NCKIPSD: variants seen among roughly 807,000 people sequenced by gnomAD.
The protein encoded by NCKIPSD is NCK interacting protein with SH3 domain.
NCKIPSD carries 48 observed loss-of-function variants against 73.4 expected under a neutral mutation model. The observed-to-expected ratio is 0.65, with a 90% CI of 0.52 to 0.83. The LOEUF is 0.83. Among genes scored for constraint, NCKIPSD ranks in the 40% least tolerant of loss-of-function variants. The pLI is 0.00. For synonymous variants in NCKIPSD, 422 were observed against 403.6 expected (o/e 1.05, Z -0.54); for missense variants, 884 against 970.2 (o/e 0.91, Z 1.18).
Position 48,682,349 on chromosome 3 carries a change from T to C in NCKIPSD, c.485A>G (p.Gln162Arg), listed in dbSNP as rs372051807. 6.2e-7 allele frequency: 1 copy of C among 1,613,790 alleles called. No individual in the cohort carries two copies. Among genetic ancestry groups the C allele is most frequent in the South Asian group, 1.1e-5 (1 of 91,074 alleles). ...CTCCACGATGTCCTCCCCACACACC[T>C]GGTAGAGGCCTCCATCTGCCCCAAG... is the stretch of plus-strand genomic sequence containing the variant. ...EHLGADGGLY[Q>R]IPLPSSQIPP... is the part of the protein sequence containing the mutation. Residue 162 changes from glutamine to arginine, a missense_variant and splice_region_variant, in exon 3 of 13, where the codon CAG becomes CGG. Coordinates refer to ENST00000294129, the MANE Select transcript of NCKIPSD (RefSeq NM_016453.4).
At chr3:48,685,491 T>A in intron 1 of NCKIPSD, 146 bp downstream of exon 1, 1 of 1,083,502 alleles carries the variant, frequency 9.2e-7, no homozygotes. Context: ...TCCGGGGGTC[T>A]CAGGGTCAGG....
In NCKIPSD at chr3:48,685,668, T is replaced by G. The variant is rs2106759171; in HGVS notation, c.140A>C (p.Tyr47Ser). Residue 47 changes from tyrosine to serine, a missense_variant, in exon 1 of 13, where the codon TAC becomes TCC. Transcript: ENST00000294129. ...GCGGCGCAGGTAGGCTGGCGGCACG[T>G]AGCCCGTCTCACCACTGCGCGCCCG... ...AARARSGETG[Y>S]VPPAYLRRLQ... The G allele has an allele frequency of 6.6e-7, 1 of 1,525,900 alleles. No individual in the cohort carries two copies. The highest frequency in any genetic ancestry group is 1.2e-5 in the South Asian group (1 of 83,564). The allele number at this position is 1,525,900 out of a possible 1,614,324, so 94.5% of individuals were successfully genotyped here. A position where few individuals can be genotyped will look rare whatever the true frequency, so the allele number is the denominator to read the frequency against.
rs1237011655 is a variant in NCKIPSD, at chr3:48,679,614, G to C, written c.1450C>G (p.Pro484Ala). The change falls in exon 8 of 13, where the codon CCT becomes GCT. Residue 484 changes from proline (P) to alanine (A), a missense_variant. Physicochemically the swap from Pro to Ala is conservative, Grantham distance 27. Coordinates refer to ENST00000294129, the MANE Select transcript of NCKIPSD (RefSeq NM_016453.4). Reference protein sequence around the residue: ...IISTLVSSVLPVELARDMQTD... With the variant: ...IISTLVSSVLAVELARDMQTD... ...TGCATGTCCCTCGCCAGCTCTACAG[G>C]CAGCACGGATGACACAAGCGTGGAG... 12 of 1,614,084 alleles carry C rather than the reference G, an allele frequency of 7.4e-6. No individual in the cohort carries two copies. The highest frequency in any genetic ancestry group is 8.5e-6 in the Non-Finnish European group (10 of 1,180,042).
intron 5 of NCKIPSD, among the ~76,000 whole-genome samples, chr3:48,680,728 T>C (rs2077337155): frequency 6.6e-6 from 1 of 152,078 alleles, no homozygotes; most frequent in South Asian, 2.1e-4. Flanking sequence ...ACCCCCATCA[T>C]GTATGCTGGG....
At chr3:48,680,301 T>C (rs1462707906) in intron 5 of NCKIPSD, 72 bp from the exon 6 acceptor site, 1 of 1,465,912 alleles carries the variant, frequency 6.8e-7, no homozygotes, top group African/African-American at 1.4e-5. Context: ...CTCCAAGGCC[T>C]GGAGAGTCCA....
rs951100978 is a variant in NCKIPSD at position 48,685,853 on chromosome 3, G to T, written c.-46C>A. 2 of 1,357,854 alleles carry T rather than the reference G, an allele frequency of 1.5e-6. No homozygotes were observed. The highest frequency in any genetic ancestry group is 1.9e-6 in the Non-Finnish European group (2 of 1,058,456). 84.1% of individuals were successfully genotyped at this position (1,357,854 alleles called of 1,614,324 possible). Reference sequence around the variant, plus strand: ...CAGGGAAGGTGGCAAGGGCTGCGGCGCCACAACGCCAGGCCGGGAGCGCCG... The same window carrying T: ...CAGGGAAGGTGGCAAGGGCTGCGGCTCCACAACGCCAGGCCGGGAGCGCCG... On this transcript the variant is annotated 5_prime_UTR_variant, in exon 1 of 13. Coordinates refer to ENST00000294129, the MANE Select transcript of NCKIPSD (RefSeq NM_016453.4).
rs748407113 is a variant in NCKIPSD at position 48,674,559 on chromosome 3, C to T, written c.2154G>A (p.Gly718=). ...REMCKEFLVL[G]EAPS ...CAGCAAGGTGCTAGCTGGGAGCCTCCCCCAGCACCAGGAATTCCTTGCACA... is the reference window on the plus strand; with the variant it reads ...CAGCAAGGTGCTAGCTGGGAGCCTCTCCCAGCACCAGGAATTCCTTGCACA... Residue 718 remains glycine, a synonymous_variant, in exon 13 of 13, where the codon GGG becomes GGA. Transcript: ENST00000294129. 3 of 1,593,840 alleles carry T rather than the reference C, an allele frequency of 1.9e-6. No individual in the cohort carries two copies. Among genetic ancestry groups the T allele is most frequent in the Admixed American group, 1.7e-5 (1 of 57,342 alleles).
Position 48,679,396 on chromosome 3 carries a change from T to C in NCKIPSD, c.1551A>G (p.Ala517=), listed in dbSNP as rs902693972. The C allele has an allele frequency of 6.2e-7, 1 of 1,614,180 alleles. No homozygotes were observed. Among genetic ancestry groups the C allele is most frequent in the Non-Finnish European group, 8.5e-7 (1 of 1,180,016 alleles). ...TCTTACCATAGTGTGCATAGGGCAC[T>C]GCCTCTCCCATGGAGAAGACCATGG... ...ILAMVFSMGE[A]VPYAHYEHLG... The change falls in exon 9 of 13, where the codon GCA becomes GCG. Residue 517 remains alanine, a synonymous_variant. Coordinates refer to ENST00000294129, the MANE Select transcript of NCKIPSD (RefSeq NM_016453.4).
Position 48,679,091 on chromosome 3 carries a change from C to A in NCKIPSD, c.1663G>T (p.Val555Leu), listed in dbSNP as rs745997868. The A allele has an allele frequency of 6.2e-7, 1 of 1,614,148 alleles. No individual in the cohort carries two copies. The highest frequency in any genetic ancestry group is 8.5e-7 in the Non-Finnish European group (1 of 1,180,020). Residue 555 changes from valine to leucine, a missense_variant, in exon 10 of 13, where the codon GTG becomes TTG. By Grantham distance (32) the Val-to-Leu change is conservative. Coordinates refer to ENST00000294129, the MANE Select transcript of NCKIPSD (RefSeq NM_016453.4). ...DTTEQLPDLC[V>L]NLLLALNLHL... ...AGGTTGAGAGCCAGAAGCAGGTTCA[C>A]GCAGAGGTCCGGCAGCTGCTCTGTG...
At chr3:48,681,097 C>T (rs1645692638) in intron 5 of NCKIPSD, 190 bp downstream of exon 5, 3 of 861,408 alleles carry the variant, frequency 3.5e-6, no homozygotes, top group African/African-American at 1.7e-5. Context: ...CTTGTCCAGG[C>T]TGCGCATCTG....
chr3:48,682,752 G>A lies in NCKIPSD; in HGVS notation c.281+151C>T, dbSNP rs554203415. 1.1e-4 allele frequency: 134 copies of A among 1,252,946 alleles called. No individual in the cohort carries two copies. In the African/African-American group the frequency reaches 1.5e-3, roughly 14 times the overall value. 77.6% of individuals were successfully genotyped at this position (1,252,946 alleles called of 1,614,324 possible). On this transcript the variant is annotated intron_variant, in intron 2 of 12. Transcript: ENST00000294129. ...ACCCCTGGTGCTCACTGAAGGACCC[G>A]ACCCCACCTTGCTCACTGGGAGGTG...
In NCKIPSD at chr3:48,674,037, C is replaced by T; in HGVS notation, c.*507G>A. On this transcript the variant is annotated 3_prime_UTR_variant, in exon 13 of 13. Coordinates refer to ENST00000294129, the MANE Select transcript of NCKIPSD (RefSeq NM_016453.4). ...CCCGCTTTCAAAGCAGCAGCTTGGCCAAGGCCTCTGGGGGTAGGAGTGAAG... is the reference window on the plus strand; with the variant it reads ...CCCGCTTTCAAAGCAGCAGCTTGGCTAAGGCCTCTGGGGGTAGGAGTGAAG... The T allele has an allele frequency of 9.3e-7, 1 of 1,071,440 alleles. No homozygotes were observed. Among genetic ancestry groups the T allele is most frequent in the Middle Eastern group, 4.1e-4 (1 of 2,416 alleles). 66.4% of individuals were successfully genotyped at this position (1,071,440 alleles called of 1,614,324 possible). A position where few individuals can be genotyped will look rare whatever the true frequency, so the allele number is the denominator to read the frequency against.
chr3:48,684,029 GAGAA>G (rs2106756474), intron 1 of NCKIPSD, among the ~76,000 whole-genome samples: 1 of 150,308 alleles, frequency 6.7e-6, no homozygotes, highest in African/African-American at 2.5e-5. Context: ...CAGAGAGAGA[GAGAA>G]AGAAAGGAAT....
rs375304871 is a variant in NCKIPSD, at chr3:48,683,017, G to C, written c.172-5C>G. ...GAGGACATCCTGCTCCAGGCCCTGG[G>C]GGGGGCAGGGGACAGCAGTTAGACC... On this transcript the variant is annotated splice_polypyrimidine_tract_variant and splice_region_variant and intron_variant, in intron 1 of 12. Coordinates refer to ENST00000294129, the MANE Select transcript of NCKIPSD (RefSeq NM_016453.4). 5.3e-5 allele frequency: 82 copies of C among 1,549,542 alleles called. No individual in the cohort carries two copies. Among genetic ancestry groups the C allele is most frequent in the Middle Eastern group, 1.8e-4 (1 of 5,662 alleles).
At chr3:48,683,368 G>A (rs1310538535) in intron 1 of NCKIPSD, among the ~76,000 whole-genome samples, 1 of 152,178 alleles carries the variant, frequency 6.6e-6, no homozygotes, top group Admixed American at 6.5e-5. Flanking sequence ...GTCTATCCCT[G>A]GTCTTGGCTC....
At position 48,680,123 on chromosome 3, in the gene NCKIPSD, C is replaced by T. The variant is rs2077326780; in HGVS notation, c.1199G>A (p.Ser400Asn). 1 of 1,614,132 alleles carries T rather than the reference C, an allele frequency of 6.2e-7. No individual in the cohort carries two copies. The highest frequency in any genetic ancestry group is 8.5e-7 in the Non-Finnish European group (1 of 1,180,028). Residue 400 changes from serine (S) to asparagine (N), a missense_variant, in exon 6 of 13, where the codon AGT becomes AAT. Physicochemically the swap from Ser to Asn is conservative, Grantham distance 46. Coordinates refer to ENST00000294129, the MANE Select transcript of NCKIPSD (RefSeq NM_016453.4). ...ACCCTCATCCTCATATAGTGCCCAA[C>T]TGCGCTGCTGGGCGTCGTCCTTCCG... ...ARRKDDAQQR[S>N]WALYEDEGVI...
At chr3:48,680,746 C>A (rs1353665152) in intron 5 of NCKIPSD, among the ~76,000 whole-genome samples, 1 of 152,110 alleles carries the variant, frequency 6.6e-6, no homozygotes, top group Non-Finnish European at 1.5e-5. Flanking sequence ...GGGCTCACTG[C>A]CCCCATCCTG....
Position 48,685,159 on chromosome 3 carries a change from G to T in NCKIPSD, c.171+478C>A, listed in dbSNP as rs957885110. On this transcript the variant is annotated intron_variant, in intron 1 of 12. Transcript: ENST00000294129. ...TCCAGGTCTCAGTGGTGGCTCCAAC[G>T]GGGGGCAAGGCGCGGGGTTGGGGGA... 2.9e-5 allele frequency among the ~76,000 whole-genome samples: 4 copies of T among 138,252 alleles called. No individual in the cohort carries two copies. In the Admixed American group the frequency reaches 3.1e-4, roughly 11 times the overall value. 90.7% of individuals were successfully genotyped at this position (138,252 alleles called of 152,430 possible).
rs184982619 is a variant in NCKIPSD at position 48,685,912 on chromosome 3, C to T, written c.-105G>A. On this transcript the variant is annotated 5_prime_UTR_variant, in exon 1 of 13. The change creates a new upstream start codon in the 5' untranslated region. Transcript: ENST00000294129. ...CGCGGTTGTCCCGCCCCGTGACACA[C>T]TACGCAGGCGCGCGCGCGCCCGCCC... 6.9e-4 allele frequency: 793 copies of T among 1,147,096 alleles called. 6 individuals are homozygous for T. In the African/African-American group the frequency reaches 0.011, roughly 16 times the overall value. The allele number at this position is 1,147,096 out of a possible 1,614,324, so 71.1% of individuals were successfully genotyped here. A position where few individuals can be genotyped will look rare whatever the true frequency, so the allele number is the denominator to read the frequency against.
Sources: gnomAD v4.1 joint callset for allele counts (sites outside exome capture counted in the v4.1 genomes callset) on GRCh38, gnomAD v4.1.1 for gene constraint, MANE v1.5 for transcripts, NCBI Gene and HGNC (gene_info 2026-07-23, HGNC 2026-07-21) for gene names.